Variants in PCDH15 observed in about 807,000 individuals in gnomAD.
The protein encoded by PCDH15 is protocadherin-15.
PCDH15 carries 129 observed loss-of-function variants against 178.5 expected under a neutral mutation model. That is an observed-to-expected ratio of 0.72 (90% CI 0.63 to 0.84). The LOEUF (loss-of-function observed/expected upper bound fraction) is 0.84, where lower values mean the gene tolerates loss of function less well. PCDH15 is among the 40% of genes least tolerant of loss of function. PCDH15 has a pLI of 0.00. For synonymous variants in PCDH15, 800 were observed against 732.0 expected (o/e 1.09, Z -1.50); for missense variants, 2,230 against 2,099.9 (o/e 1.06, Z -1.21).
chr10:54,675,386 C>A (rs1164299176), intron 1 of PCDH15, among the ~76,000 whole-genome samples: 1 of 151,372 alleles, frequency 6.6e-6, no homozygotes, highest in Non-Finnish European at 1.5e-5. Flanking sequence ...TCCCAACACA[C>A]CCTGGCAAGA....
At chr10:55,461,568 G>T (rs1353546586) in intron 2 of PCDH15, among the ~76,000 whole-genome samples, 1 of 151,944 alleles carries the variant, frequency 6.6e-6, no homozygotes, top group Non-Finnish European at 1.5e-5. Context: ...GTCTTCTGGG[G>T]CTCATTTTAT....
At chr10:55,079,316 G>A (rs1841982509) in intron 2 of PCDH15, among the ~76,000 whole-genome samples, 1 of 152,160 alleles carries the variant, frequency 6.6e-6, no homozygotes, top group South Asian at 2.1e-4. Flanking sequence ...CTTTGATTCT[G>A]CATGCATTCA....
intron 18 of PCDH15, among the ~76,000 whole-genome samples, chr10:54,050,619 G>T (rs1911388): frequency 0.014 from 2,166 of 150,306 alleles, 54 homozygotes; most frequent in African/African-American, 0.047. Flanking sequence ...GGTTTTGTTT[G>T]TTTGTTTGTT....
At chr10:55,112,460 A>T (rs1239989365) in intron 2 of PCDH15, among the ~76,000 whole-genome samples, 1 of 152,182 alleles carries the variant, frequency 6.6e-6, no homozygotes, top group Non-Finnish European at 1.5e-5. Context: ...AGGAATTAAA[A>T]GTTGAATACA....
At chr10:55,321,745 C>T (rs1843907904), upstream of PCDH15, among the ~76,000 whole-genome samples, 1 of 152,090 alleles carries the variant, frequency 6.6e-6, no homozygotes, top group South Asian at 2.1e-4. Context: ...AATTTCATAT[C>T]CAGCCAAATT....
At chr10:54,307,893 C>T (rs184340234) in intron 8 of PCDH15, among the ~76,000 whole-genome samples, 30 of 151,966 alleles carry the variant, frequency 2.0e-4, no homozygotes, top group African/African-American at 3.9e-4. Flanking sequence ...ACCAAGCAGA[C>T]GAAAAATTTC....
intron 18 of PCDH15, among the ~76,000 whole-genome samples, chr10:54,059,080 T>C (rs967175023): frequency 2.0e-5 from 3 of 152,198 alleles, no homozygotes; most frequent in Admixed American, 2.0e-4. Context: ...CAGCCTCTGG[T>C]ATCTATCAGT....
intron 8 of PCDH15, among the ~76,000 whole-genome samples, chr10:54,246,281 TGTCA>T (rs2055914069): frequency 6.6e-6 from 1 of 152,070 alleles, no homozygotes; most frequent in Non-Finnish European, 1.5e-5. Flanking sequence ...AATAGAATAT[TGTCA>T]GTATCTCAGA....
intron 26 of PCDH15, among the ~76,000 whole-genome samples, chr10:53,879,567 G>A (rs2080537349): frequency 6.6e-6 from 1 of 152,154 alleles, no homozygotes; most frequent in Non-Finnish European, 1.5e-5. Context: ...ATTGTAAAAG[G>A]TATACCATTC....
Position 54,103,076 on chromosome 10 carries a change from A to C in PCDH15, c.1918-13013T>G, listed in dbSNP as rs144799120. Among the ~76,000 whole-genome samples, 615 of 152,312 alleles carry C rather than the reference A, an allele frequency of 4.0e-3. 5 individuals carry two copies. Among genetic ancestry groups the C allele is most frequent in the African/African-American group, 0.011 (438 of 41,570 alleles). On this transcript the variant is annotated intron_variant, in intron 15 of 37. Transcript: ENST00000644397. ...GGTAGTGTAATGGGATTCTTCCTCA[A>C]GGGGACCTGGCCTCCCCTTCATTCA...
chr10:53,992,432 T>A (rs1171313778), intron 21 of PCDH15, among the ~76,000 whole-genome samples: 1 of 152,170 alleles, frequency 6.6e-6, no homozygotes, highest in Non-Finnish European at 1.5e-5. Flanking sequence ...AACAAGAACC[T>A]TATAAATTCC....
intron 26 of PCDH15, among the ~76,000 whole-genome samples, chr10:53,893,864 G>C (rs770928281): frequency 2.6e-5 from 4 of 152,104 alleles, no homozygotes; most frequent in Non-Finnish European, 5.9e-5. Flanking sequence ...TTAGATGACA[G>C]GTGCACCAAA....
intron 3 of PCDH15, among the ~76,000 whole-genome samples, chr10:54,384,907 C>T (rs1030729852): frequency 6.6e-6 from 1 of 151,970 alleles, no homozygotes; most frequent in African/African-American, 2.4e-5. Context: ...AACAAAAACA[C>T]CTAATTGACT....
intron 3 of PCDH15, among the ~76,000 whole-genome samples, chr10:54,841,327 G>C (rs1953413391): frequency 6.6e-6 from 1 of 151,678 alleles, no homozygotes; most frequent in Non-Finnish European, 1.5e-5. Flanking sequence ...ATGAGCAAAA[G>C]AAGAAATAAA....
intron 2 of PCDH15, among the ~76,000 whole-genome samples, chr10:55,078,687 TTTTAGTG>T (rs906007466): frequency 6.6e-6 from 1 of 152,030 alleles, no homozygotes; most frequent in Non-Finnish European, 1.5e-5. Context: ...TGGATAAATT[TTTTAGTG>T]TTGATTTCTG....
At chr10:54,247,638 G>C (rs978986481) in intron 8 of PCDH15, among the ~76,000 whole-genome samples, 1 of 151,736 alleles carries the variant, frequency 6.6e-6, no homozygotes, top group African/African-American at 2.4e-5. Flanking sequence ...CATTGAGATG[G>C]CCTTTTGGGG....
chr10:54,172,333 A>C (rs921179685), intron 13 of PCDH15, among the ~76,000 whole-genome samples: 16 of 151,050 alleles, frequency 1.1e-4, no homozygotes, highest in Non-Finnish European at 1.9e-4. Flanking sequence ...CAGAGAACAA[A>C]CCCCCTTTGA....
intron 21 of PCDH15, among the ~76,000 whole-genome samples, chr10:53,969,590 A>G (rs568593202): frequency 9.2e-5 from 14 of 152,174 alleles, no homozygotes; most frequent in Non-Finnish European, 1.8e-4. Context: ...AGGAAAAAAT[A>G]TTAAGGGCAG....
At chr10:53,996,936 GAC>G (rs2091882624) in intron 20 of PCDH15, among the ~76,000 whole-genome samples, 1 of 151,996 alleles carries the variant, frequency 6.6e-6, no homozygotes, top group Non-Finnish European at 1.5e-5. Flanking sequence ...TATTTGCTTA[GAC>G]ACAACAATTT....
Sources: allele counts gnomAD v4.1 joint callset (sites outside exome capture counted in the v4.1 genomes callset), GRCh38; gene constraint gnomAD v4.1.1; transcripts MANE v1.5; gene names NCBI Gene and HGNC (gene_info 2026-07-23, HGNC 2026-07-21).